Variants in DPP6 observed in about 807,000 individuals in gnomAD.
DPP6 encodes the protein A-type potassium channel modulatory protein DPP6.
A neutral mutation model predicts 122.6 loss-of-function variants in DPP6; 69 were observed. The ratio of observed to expected loss-of-function variants is 0.56; its 90% confidence interval spans 0.46 to 0.69. The LOEUF (loss-of-function observed/expected upper bound fraction) is 0.69. Among genes scored for constraint, DPP6 ranks in the 30% least tolerant of loss-of-function variants. The pLI is 0.00. For synonymous variants in DPP6, 418 were observed against 433.1 expected (o/e 0.97, Z 0.43); for missense variants, 928 against 1,116.9 (o/e 0.83, Z 2.41).
intron 1 of DPP6, among the ~76,000 whole-genome samples, chr7:153,896,530 C>T (rs1248694610): frequency 6.6e-6 from 1 of 152,116 alleles, no homozygotes; most frequent in East Asian, 1.9e-4. Flanking sequence ...ACAGGCTGGG[C>T]ACAGTGGCTC....
chr7:154,700,618 T>C (rs1586915707), intron 7 of DPP6, among the ~76,000 whole-genome samples: 1 of 152,338 alleles, frequency 6.6e-6, no homozygotes, highest in Middle Eastern at 3.4e-3. Flanking sequence ...TTCAGTTCTT[T>C]AAGTAAATTC....
chr7:154,828,645 C>T (rs116693311), intron 16 of DPP6, among the ~76,000 whole-genome samples: 1,669 of 152,236 alleles, frequency 0.011, 25 homozygotes, highest in African/African-American at 0.037. Flanking sequence ...TTCTAGTAAT[C>T]GGTATATTTA....
At chr7:154,255,974 G>A (rs138300023) in intron 1 of DPP6, among the ~76,000 whole-genome samples, 1,771 of 151,544 alleles carry the variant, frequency 0.012, 41 homozygotes, top group African/African-American at 0.041. Flanking sequence ...TTTTCCTGAA[G>A]ACCACATGAG....
chr7:154,296,706 A>G lies in DPP6; in HGVS notation c.244-149508A>G, dbSNP rs75054628. On this transcript the variant is annotated intron_variant, in intron 1 of 25. Transcript: ENST00000377770. The stretch of plus-strand genomic sequence containing the variant: ...ATTCCCTGAAACCTGAAGGCCCCAC[A>G]TGATGCACCTGTTTATTCAAACACA... 4.7e-3 allele frequency among the ~76,000 whole-genome samples: 718 copies of G among 152,362 alleles called. 8 individuals carry two copies. The highest frequency in any genetic ancestry group is 0.045 in the East Asian group (232 of 5,184).
At chr7:154,711,690 G>A (rs1428668902) in intron 7 of DPP6, among the ~76,000 whole-genome samples, 3 of 151,952 alleles carry the variant, frequency 2.0e-5, no homozygotes, top group Admixed American at 6.6e-5. Flanking sequence ...TAGTAGTATT[G>A]CTATCATTTT....
chr7:154,794,063 T>C lies in DPP6; in HGVS notation c.1137-16T>C, dbSNP rs765453924. On this transcript the variant is annotated splice_polypyrimidine_tract_variant and intron_variant, in intron 10 of 25. Coordinates refer to ENST00000377770, the MANE Select transcript of DPP6 (RefSeq NM_130797.4). ...GGGTCCTGCCAAGCTGCTCATGCTG[T>C]GTTTGGCGTTTCCAGGGAGTACTAC... The C allele has an allele frequency of 9.9e-6, 16 of 1,611,532 alleles. No homozygotes were observed. The African/African-American group carries it at 2.1e-4, about 22-fold the overall frequency.
chr7:154,073,253 A>T (rs1803255177), intron 1 of DPP6, among the ~76,000 whole-genome samples: 1 of 152,194 alleles, frequency 6.6e-6, no homozygotes, highest in Admixed American at 6.5e-5. Flanking sequence ...GCTTTCAGGC[A>T]CCGTCATGGC....
intron 1 of DPP6, among the ~76,000 whole-genome samples, chr7:153,972,431 G>C (rs1281957126): frequency 6.6e-6 from 1 of 152,034 alleles, no homozygotes; most frequent in African/African-American, 2.4e-5. Flanking sequence ...GAAGCATGGG[G>C]CTAGCTCCTC....
intron 21 of DPP6, among the ~76,000 whole-genome samples, chr7:154,883,396 A>G (rs1162442416): frequency 7.3e-6 from 1 of 136,056 alleles, no homozygotes; most frequent in African/African-American, 2.6e-5. Flanking sequence ...GCTCACACAC[A>G]CACACATGCT....
intron 8 of DPP6, among the ~76,000 whole-genome samples, chr7:154,747,968 A>G (rs1248239862): frequency 6.6e-6 from 1 of 152,196 alleles, no homozygotes; most frequent in East Asian, 1.9e-4. Flanking sequence ...ATCTAATAAT[A>G]ATGAGAATGA....
intron 1 of DPP6, among the ~76,000 whole-genome samples, chr7:154,306,228 C>G (rs532266538): frequency 6.6e-6 from 1 of 152,150 alleles, no homozygotes. Context: ...GGCGGCCGCT[C>G]GCCTTGTCCT....
the DPP6 span, among the ~76,000 whole-genome samples, chr7:153,806,545 T>C: frequency 6.6e-6 from 1 of 151,664 alleles, no homozygotes; most frequent in South Asian, 2.1e-4. Flanking sequence ...AGATTTCATA[T>C]ATACATTTTT....
intron 1 of DPP6, among the ~76,000 whole-genome samples, chr7:154,195,535 G>A (rs1303652144): frequency 6.6e-6 from 1 of 152,144 alleles, no homozygotes; most frequent in Non-Finnish European, 1.5e-5. Context: ...CTGCATTCAC[G>A]GATGCTCTTC....
chr7:154,892,186 G>T, intron 25 of DPP6, 148 bp from the exon 26 acceptor site: 1 of 1,019,680 alleles, frequency 9.8e-7, no homozygotes, highest in East Asian at 2.6e-5. Flanking sequence ...CTTCCATCAG[G>T]AGTGGCATGG....
intron 1 of DPP6, among the ~76,000 whole-genome samples, chr7:154,417,568 G>A (rs756542734): frequency 2.0e-5 from 3 of 150,190 alleles, no homozygotes; most frequent in East Asian, 2.0e-4. Flanking sequence ...CTCCCACCCC[G>A]CTCCCAGAAG....
chr7:153,987,708 G>A (rs1467016925), intron 1 of DPP6, among the ~76,000 whole-genome samples: 1 of 152,150 alleles, frequency 6.6e-6, no homozygotes, highest in Non-Finnish European at 1.5e-5. Flanking sequence ...GAGCTGTGGG[G>A]TGCTGCAGCT....
intron 5 of DPP6, among the ~76,000 whole-genome samples, chr7:154,572,161 CTA>C (rs1294691036): frequency 6.6e-6 from 1 of 152,152 alleles, no homozygotes; most frequent in Non-Finnish European, 1.5e-5. Context: ...TAAATTTCTA[CTA>C]TTTTCCTGCC....
chr7:153,885,274 G>A (rs1798868647), upstream of DPP6, among the ~76,000 whole-genome samples: 1 of 152,032 alleles, frequency 6.6e-6, no homozygotes, highest in Admixed American at 6.6e-5. Flanking sequence ...TAAGTGACCT[G>A]TACTCTAAGT....
At chr7:153,788,961 G>C in the DPP6 span, among the ~76,000 whole-genome samples, 451 of 117,782 alleles carry the variant, frequency 3.8e-3, no homozygotes, top group African/African-American at 0.015. Context: ...GCGAAAGTCT[G>C]TCTCAAAAAA....
Sources: gnomAD v4.1 joint callset for allele counts (sites outside exome capture counted in the v4.1 genomes callset) on GRCh38, gnomAD v4.1.1 for gene constraint, MANE v1.5 for transcripts, NCBI Gene and HGNC (gene_info 2026-07-23, HGNC 2026-07-21) for gene names.